Variants in SLAMF1 observed in about 807,000 individuals in gnomAD.
The protein encoded by SLAMF1 is signaling lymphocytic activation molecule family member 1.
Under a neutral mutation model 35.1 loss-of-function variants are expected in SLAMF1, and 18 were observed. That is an observed-to-expected ratio of 0.51 (90% CI 0.35 to 0.76). The LOEUF (loss-of-function observed/expected upper bound fraction) is 0.76, where lower values mean the gene tolerates loss of function less well. Ranked by LOEUF, SLAMF1 falls within the 30% of genes least tolerant of loss-of-function variation. The probability of loss-of-function intolerance (pLI) is 0.01; values close to 1 mark genes in which losing one functional copy is unlikely to be tolerated. For missense variants in SLAMF1, 392 were observed against 413.0 expected (o/e 0.95, Z 0.44); for synonymous variants, 168 against 157.2 (o/e 1.07, Z -0.51).
At chr1:160,625,961 C>A (rs1659861871) in intron 3 of SLAMF1, among the ~76,000 whole-genome samples, 1 of 151,980 alleles carries the variant, frequency 6.6e-6, no homozygotes, top group Admixed American at 6.6e-5. Flanking sequence ...AGAAGCAAAG[C>A]CAGTAGCCTG....
rs192871343 is a variant in SLAMF1, at chr1:160,634,388, T to G, written c.700+225A>C. ...GACTTAGGCTCTGGGTCTGTCTCTA[T>G]CACCTCCTGTTGGTTTCGTCAACTG... On this transcript the variant is annotated intron_variant, in intron 3 of 6. Coordinates refer to ENST00000302035, the MANE Select transcript of SLAMF1 (RefSeq NM_003037.5). 101 of 984,766 alleles carry G rather than the reference T, an allele frequency of 1.0e-4. No homozygotes were observed. The African/African-American group carries it at 1.2e-3, about 12-fold the overall frequency. 61.0% of individuals were successfully genotyped at this position (984,766 alleles called of 1,614,324 possible).
At position 160,628,392 on chromosome 1, in the gene SLAMF1, A is replaced by ACCCC. The variant is rs1251029405; in HGVS notation, c.701-4208_701-4207insGGGG. On this transcript the variant is annotated intron_variant, in intron 3 of 6. Coordinates refer to ENST00000302035, the MANE Select transcript of SLAMF1 (RefSeq NM_003037.5). ...TCTCATACAGAACCATCCAACCCACACCCAGATTCCTGGGGGGTCTCCACC... is the reference window on the plus strand; with the variant it reads ...TCTCATACAGAACCATCCAACCCACACCCCCCCAGATTCCTGGGGGGTCTCCACC... 1.5e-4 allele frequency among the ~76,000 whole-genome samples: 23 copies of ACCCC among 152,276 alleles called. 1 individual carries two copies. In the East Asian group the frequency reaches 4.4e-3, roughly 29 times the overall value.
chr1:160,619,062 C>T (rs1419342300), intron 5 of SLAMF1, among the ~76,000 whole-genome samples: 2 of 152,154 alleles, frequency 1.3e-5, no homozygotes, highest in African/African-American at 4.8e-5. Flanking sequence ...ACCTTCACAT[C>T]CTTTACTCAA....
At chr1:160,643,088 G>A (rs1660839150) in intron 1 of SLAMF1, among the ~76,000 whole-genome samples, 1 of 152,070 alleles carries the variant, frequency 6.6e-6, no homozygotes, top group African/African-American at 2.4e-5. Flanking sequence ...AAGGTCAATT[G>A]CTCTATGTGA....
rs1381510756 is a variant in SLAMF1 at position 160,646,988 on chromosome 1, A to C, written c.-43T>G. ...GAAGGGATCCTGGCCGGAGCCTGGC[A>C]GCTGCTCACAGATGCCAGGCAGAAG... On this transcript the variant is annotated 5_prime_UTR_variant, in exon 1 of 7. Transcript: ENST00000302035. 1 of 1,030,684 alleles carries C rather than the reference A, an allele frequency of 9.7e-7. No individual in the cohort carries two copies. Among genetic ancestry groups the C allele is most frequent in the Admixed American group, 1.8e-5 (1 of 54,460 alleles). The allele number at this position is 1,030,684 out of a possible 1,614,324, so 63.8% of individuals were successfully genotyped here. A position where few individuals can be genotyped will look rare whatever the true frequency, so the allele number is the denominator to read the frequency against.
intron 2 of SLAMF1, among the ~76,000 whole-genome samples, chr1:160,636,273 G>A (rs923967072): frequency 2.0e-5 from 3 of 152,322 alleles, no homozygotes; most frequent in South Asian, 2.1e-4. Flanking sequence ...TGGGAATTCC[G>A]CAGGCACTGT....
chr1:160,624,561 A>G (rs879514980), intron 3 of SLAMF1, among the ~76,000 whole-genome samples: 3 of 152,232 alleles, frequency 2.0e-5, no homozygotes, highest in Non-Finnish European at 4.4e-5. Flanking sequence ...GGTAAAGAGA[A>G]TATAATGGTT....
chr1:160,616,613 G>A (rs1659313601), intron 5 of SLAMF1, among the ~76,000 whole-genome samples: 2 of 152,182 alleles, frequency 1.3e-5, no homozygotes, highest in African/African-American at 4.8e-5. Context: ...TAACATATCT[G>A]CCAAAGGGCA....
rs112366937 is a variant in SLAMF1 at position 160,612,885 on chromosome 1, C to T, written c.865-305G>A. Among the ~76,000 whole-genome samples, 266 of 152,270 alleles carry T rather than the reference C, an allele frequency of 1.7e-3. 1 individual carries two copies. The highest frequency in any genetic ancestry group is 6.0e-3 in the African/African-American group (251 of 41,528). On this transcript the variant is annotated intron_variant, in intron 5 of 6. Transcript: ENST00000302035. ...TCACAAGAAACTGAAATTGGTGTGG[C>T]TCTTACAGGGGCAGCTGGAGGGGAC...
At chr1:160,611,183 A>C (rs1305573015) in intron 6 of SLAMF1, among the ~76,000 whole-genome samples, 1 of 152,180 alleles carries the variant, frequency 6.6e-6, no homozygotes, top group East Asian at 1.9e-4. Context: ...TAAAAAGTCT[A>C]GTGGGACTCA....
intron 4 of SLAMF1, 124 bp downstream of exon 4, chr1:160,623,972 A>G (rs1277283919): frequency 7.5e-6 from 5 of 670,356 alleles, no homozygotes; most frequent in African/African-American, 1.8e-5. Flanking sequence ...TTTATCTACT[A>G]TTTTTGCAAA....
At chr1:160,640,990 T>C (rs1448201247) in intron 1 of SLAMF1, among the ~76,000 whole-genome samples, 1 of 152,154 alleles carries the variant, frequency 6.6e-6, no homozygotes, top group East Asian at 1.9e-4. Context: ...GTCTAGATAA[T>C]GTGACCCCTT....
At chr1:160,625,544 T>C (rs975228365) in intron 3 of SLAMF1, among the ~76,000 whole-genome samples, 4 of 152,218 alleles carry the variant, frequency 2.6e-5, no homozygotes, top group Admixed American at 2.6e-4. Flanking sequence ...AAGATTCTTT[T>C]TCTCCTTAGG....
intron 2 of SLAMF1, among the ~76,000 whole-genome samples, chr1:160,635,311 A>G (rs1434600311): frequency 1.3e-5 from 2 of 151,772 alleles, no homozygotes; most frequent in Admixed American, 1.3e-4. Context: ...ATCTATCGTG[A>G]TGTGTGTGGG....
intron 3 of SLAMF1, among the ~76,000 whole-genome samples, chr1:160,626,273 C>A (rs66514209): frequency 0.079 from 11,999 of 152,266 alleles, 594 homozygotes; most frequent in African/African-American, 0.13. Context: ...CCCTCGCGCC[C>A]GACGCCGGTT....
At position 160,612,418 on chromosome 1, in the gene SLAMF1, A is replaced by C. The variant is rs541198906; in HGVS notation, c.957+70T>G. ...TCTCCCTCTTCCCACCTTAAAAAAA[A>C]AAAACTTCCTCATTTTCCCCTCCTT... On this transcript the variant is annotated intron_variant, in intron 6 of 6. Transcript: ENST00000302035. 5.3e-4 allele frequency: 572 copies of C among 1,082,214 alleles called. 3 individuals carry two copies. In the African/African-American group the frequency reaches 8.4e-3, roughly 16 times the overall value. The allele number at this position is 1,082,214 out of a possible 1,614,324, so 67.0% of individuals were successfully genotyped here.
rs1427119280 is a variant in SLAMF1, at chr1:160,642,084, T to A, written c.77-4555A>T. On this transcript the variant is annotated intron_variant, in intron 1 of 6. Coordinates refer to ENST00000302035, the MANE Select transcript of SLAMF1 (RefSeq NM_003037.5). The surrounding 1 kb of genome is among the most constrained non-coding windows in gnomAD (Gnocchi z 4.2). ...ACTTTCATATGTGCTTTTAGCATCT[T>A]GCTACAGTATTCTTTCAGGTACAGA... is the stretch of plus-strand genomic sequence containing the variant. Among the ~76,000 whole-genome samples, 6 of 152,222 alleles carry A rather than the reference T, an allele frequency of 3.9e-5. No homozygotes were observed.
At chr1:160,614,575 CAAAAAAA>C (rs58447871) in intron 5 of SLAMF1, among the ~76,000 whole-genome samples, 1 of 140,692 alleles carries the variant, frequency 7.1e-6, no homozygotes, top group Non-Finnish European at 1.5e-5. Context: ...TCCGCATCAC[CAAAAAAA>C]AAAAAAAAAG....
At chr1:160,625,824 AGT>A (rs3223445) in intron 3 of SLAMF1, among the ~76,000 whole-genome samples, 4,163 of 144,764 alleles carry the variant, frequency 0.029, 76 homozygotes, top group South Asian at 0.039. Context: ...TCTGTGCAGG[AGT>A]GTGTGTGTGT....
Sources: gnomAD v4.1 joint callset for allele counts (sites outside exome capture counted in the v4.1 genomes callset) on GRCh38, gnomAD v4.1.1 for gene constraint, Gnocchi (gnomAD v3.1) non-coding constraint, MANE v1.5 for transcripts, NCBI Gene and HGNC (gene_info 2026-07-23, HGNC 2026-07-21) for gene names.